The following LIN28B variants were observed in gnomAD, a reference collection of about 807,000 sequenced individuals.
LIN28B encodes protein lin-28 homolog B.
In LIN28B, 5 loss-of-function variants were observed where a neutral mutation model predicts 21.9. The ratio of observed to expected loss-of-function variants is 0.23; its 90% confidence interval spans 0.12 to 0.48. LIN28B has a LOEUF of 0.48. Among genes scored for constraint, LIN28B ranks in the 20% least tolerant of loss-of-function variants. LIN28B has a pLI of 0.98. For missense variants in LIN28B, 245 were observed against 310.5 expected, an observed-to-expected ratio of 0.79 and a Z score of 1.58; for synonymous variants, 109 against 111.3, an observed-to-expected ratio of 0.98 and a Z score of 0.13.
intron 3 of LIN28B, among the ~76,000 whole-genome samples, chr6:105,064,543 C>T (rs1012152327): frequency 1.3e-5 from 2 of 152,150 alleles, no homozygotes; most frequent in African/African-American, 4.8e-5. Context: ...AGCTTTCCCC[C>T]GCACATATAT....
At chr6:104,994,985 T>G (rs574110393) in intron 2 of LIN28B, among the ~76,000 whole-genome samples, 18 of 152,174 alleles carry the variant, frequency 1.2e-4, no homozygotes, top group Non-Finnish European at 2.2e-4. Flanking sequence ...ATCCAAAAAT[T>G]TTTGAGCACC....
chr6:105,000,745 A>G (rs1233963311), intron 2 of LIN28B, among the ~76,000 whole-genome samples: 1 of 152,096 alleles, frequency 6.6e-6, no homozygotes, highest in African/African-American at 2.4e-5. Context: ...AAGATTTACT[A>G]TATGCCAGTT....
intron 3 of LIN28B, among the ~76,000 whole-genome samples, chr6:105,073,296 C>G (rs1202938842): frequency 6.6e-6 from 1 of 152,116 alleles, no homozygotes; most frequent in African/African-American, 2.4e-5. Flanking sequence ...ATGATCTCTT[C>G]AAAGAATCAG....
chr6:104,948,073 G>A (rs1778178901), intron 2 of LIN28B, among the ~76,000 whole-genome samples: 2 of 152,106 alleles, frequency 1.3e-5, no homozygotes, highest in Non-Finnish European at 2.9e-5. Context: ...GATTATTCTC[G>A]TGTAGGGGCA....
At chr6:104,991,188 C>T (rs1770466246) in intron 2 of LIN28B, among the ~76,000 whole-genome samples, 1 of 146,720 alleles carries the variant, frequency 6.8e-6, no homozygotes, top group Non-Finnish European at 1.5e-5. Context: ...CAGGCGGAGA[C>T]GCCCCCCACC....
chr6:104,952,953 G>A (rs969383647), upstream of LIN28B, among the ~76,000 whole-genome samples: 1 of 152,184 alleles, frequency 6.6e-6, no homozygotes. Flanking sequence ...AAAGCAAAGC[G>A]ACCCAACTAT....
At chr6:105,032,801 A>G (rs1771450870) in intron 3 of LIN28B, among the ~76,000 whole-genome samples, 1 of 152,092 alleles carries the variant, frequency 6.6e-6, no homozygotes, top group Admixed American at 6.6e-5. Context: ...TTTCCTTAAT[A>G]GCTACTGATA....
intron 3 of LIN28B, among the ~76,000 whole-genome samples, chr6:105,069,200 AC>A (rs1171572571): frequency 6.6e-6 from 1 of 152,226 alleles, no homozygotes; most frequent in Non-Finnish European, 1.5e-5. Flanking sequence ...CCTGGGCAAC[AC>A]AGTGAGACCC....
rs189810363 is a variant in LIN28B at position 104,997,848 on chromosome 6, G to A, written c.199-28450G>A. ...CCATTAGTGTTGGTGTCACTCATGG[G>A]AAGCAGCAGTAGCCTTTTTTCCTTA... On this transcript the variant is annotated intron_variant, in intron 2 of 3. Coordinates refer to ENST00000345080, the MANE Select transcript of LIN28B (RefSeq NM_001004317.4). Among the ~76,000 whole-genome samples the A allele has an allele frequency of 2.0e-5, 3 of 152,304 alleles. No homozygotes were observed. The East Asian group carries it at 5.8e-4, about 29-fold the overall frequency.
At chr6:105,064,500 A>G (rs536905644) in intron 3 of LIN28B, among the ~76,000 whole-genome samples, 32 of 152,258 alleles carry the variant, frequency 2.1e-4, no homozygotes, top group African/African-American at 6.0e-4. Context: ...GATAATCCAG[A>G]AGCTGGGTTC....
chr6:105,050,387 G>T (rs997730440), intron 3 of LIN28B, among the ~76,000 whole-genome samples: 1 of 151,900 alleles, frequency 6.6e-6, no homozygotes, highest in African/African-American at 2.4e-5. Flanking sequence ...TGGATCATGA[G>T]GTCAGGAAAT....
intron 3 of LIN28B, among the ~76,000 whole-genome samples, chr6:105,039,970 G>T (rs1375032264): frequency 2.0e-5 from 3 of 152,086 alleles, no homozygotes; most frequent in Non-Finnish European, 1.5e-5. Context: ...CCAATTTAAT[G>T]AAAATAGCTT....
At chr6:104,938,050 C>CGA in intron 2 of LIN28B, among the ~76,000 whole-genome samples, 1 of 73,706 alleles carries the variant, frequency 1.4e-5, no homozygotes, top group African/African-American at 6.1e-5. Context: ...CCTGTCTCTA[C>CGA]AAAAAAAAAA....
intron 2 of LIN28B, 60 bp downstream of exon 2, chr6:104,958,346 A>G: frequency 7.6e-7 from 1 of 1,319,962 alleles, no homozygotes; most frequent in Non-Finnish European, 1.0e-6. Context: ...GCTGATCGGT[A>G]GTTATGCCAA....
At chr6:105,031,716 T>A (rs1181452725) in intron 3 of LIN28B, among the ~76,000 whole-genome samples, 1 of 152,042 alleles carries the variant, frequency 6.6e-6, no homozygotes, top group African/African-American at 2.4e-5. Flanking sequence ...TATATTTTTT[T>A]AGTAGAGACG....
At chr6:104,987,279 G>A (rs1272102929) in intron 2 of LIN28B, among the ~76,000 whole-genome samples, 2 of 152,028 alleles carry the variant, frequency 1.3e-5, no homozygotes, top group Non-Finnish European at 2.9e-5. Flanking sequence ...CTCTACATAA[G>A]AATAATTGAT....
At chr6:104,947,704 A>G (rs531286837) in intron 2 of LIN28B, among the ~76,000 whole-genome samples, 1 of 151,036 alleles carries the variant, frequency 6.6e-6, no homozygotes, top group Admixed American at 6.6e-5. Flanking sequence ...TTTTATATTT[A>G]TAAGAGATTA....
At chr6:105,005,922 T>C (rs190590382) in intron 2 of LIN28B, among the ~76,000 whole-genome samples, 4 of 152,336 alleles carry the variant, frequency 2.6e-5, no homozygotes, top group African/African-American at 7.2e-5. Flanking sequence ...CAAGAGCTCT[T>C]TCTTGTTTTC....
At chr6:104,947,959 CTG>C (rs1355557151) in intron 2 of LIN28B, among the ~76,000 whole-genome samples, 1 of 151,906 alleles carries the variant, frequency 6.6e-6, no homozygotes, top group Non-Finnish European at 1.5e-5. Flanking sequence ...TTTTCATGGA[CTG>C]TTATAATAAA....
Sources: allele counts gnomAD v4.1 joint callset (sites outside exome capture counted in the v4.1 genomes callset), GRCh38; gene constraint gnomAD v4.1.1; transcripts MANE v1.5; gene names NCBI Gene and HGNC (gene_info 2026-07-23, HGNC 2026-07-21).